Variants in CLSTN2 observed in about 807,000 individuals in gnomAD.
CLSTN2 encodes the protein calsyntenin-2.
CLSTN2 carries 48 observed loss-of-function variants against 101.2 expected under a neutral mutation model. That is an observed-to-expected ratio of 0.47 (90% CI 0.38 to 0.60). The LOEUF (loss-of-function observed/expected upper bound fraction) is 0.60, where lower values mean the gene tolerates loss of function less well. Among genes scored for constraint, CLSTN2 ranks in the 20% least tolerant of loss-of-function variants. The probability of loss-of-function intolerance (pLI) is 0.00; values close to 1 mark genes in which losing one functional copy is unlikely to be tolerated. For synonymous variants in CLSTN2, 481 were observed against 463.6 expected (o/e 1.04, Z -0.48); for missense variants, 1,160 against 1,238.2 (o/e 0.94, Z 0.95).
chr3:140,448,605 G>A lies in CLSTN2; in HGVS notation c.874G>A (p.Val292Met), dbSNP rs1261844629. Reference protein sequence around the residue: ...SIHLETCDGAVSSLQIVTELQ... With the variant: ...SIHLETCDGAMSSLQIVTELQ... Reference sequence around the variant, plus strand: ...CCACCTGGAGACGTGCGATGGAGCCGTGTCTTCCCTCCAGATCGTCACAGA... The same window carrying A: ...CCACCTGGAGACGTGCGATGGAGCCATGTCTTCCCTCCAGATCGTCACAGA... Residue 292 changes from valine (V) to methionine (M), a missense_variant, in exon 6 of 17, where the codon GTG becomes ATG. Val to Met is a conservative substitution (Grantham distance 21, BLOSUM62 1). Coordinates refer to ENST00000458420, the MANE Select transcript of CLSTN2 (RefSeq NM_022131.3). 8.7e-6 allele frequency: 14 copies of A among 1,614,102 alleles called. No individual in the cohort carries two copies. The highest frequency in any genetic ancestry group is 1.2e-5 in the Non-Finnish European group (14 of 1,179,978).
intron 11 of CLSTN2, among the ~76,000 whole-genome samples, chr3:140,558,013 G>A (rs1299004320): frequency 2.6e-5 from 4 of 152,234 alleles, no homozygotes; most frequent in Admixed American, 6.5e-5. Context: ...CAGGAGTCAA[G>A]TGCCTTGTCC....
At chr3:140,386,673 T>C (rs2088055097) in intron 2 of CLSTN2, among the ~76,000 whole-genome samples, 1 of 151,940 alleles carries the variant, frequency 6.6e-6, no homozygotes, top group African/African-American at 2.4e-5. Flanking sequence ...CCATGCTCTG[T>C]CTCCCCTCTG....
chr3:140,515,793 A>G (rs933636766), intron 8 of CLSTN2, among the ~76,000 whole-genome samples: 2 of 152,060 alleles, frequency 1.3e-5, no homozygotes, highest in Non-Finnish European at 2.9e-5. Context: ...CATATGGTCT[A>G]TCTTGGAGAA....
At chr3:139,978,164 C>T (rs774358838) in intron 1 of CLSTN2, among the ~76,000 whole-genome samples, 1 of 152,214 alleles carries the variant, frequency 6.6e-6, no homozygotes, top group Admixed American at 6.5e-5. Flanking sequence ...GAGCTCCTCT[C>T]TGCAATAGTT....
chr3:139,965,802 G>A (rs915418795), intron 1 of CLSTN2, among the ~76,000 whole-genome samples: 1 of 152,112 alleles, frequency 6.6e-6, no homozygotes, highest in African/African-American at 2.4e-5. Context: ...GCATCCTCCT[G>A]AAGCCCCAGG....
At chr3:140,542,398 T>C (rs1935499521) in intron 9 of CLSTN2, among the ~76,000 whole-genome samples, 1 of 152,128 alleles carries the variant, frequency 6.6e-6, no homozygotes, top group Non-Finnish European at 1.5e-5. Flanking sequence ...CAAAATCATG[T>C]TTGCAAACAT....
At chr3:140,262,057 CT>C (rs2086658586) in intron 2 of CLSTN2, among the ~76,000 whole-genome samples, 1 of 151,542 alleles carries the variant, frequency 6.6e-6, no homozygotes, top group African/African-American at 2.4e-5. Context: ...GCTGTGTGAC[CT>C]TAGTTTAGTT....
chr3:140,511,160 G>C (rs575062166), intron 8 of CLSTN2, among the ~76,000 whole-genome samples: 2 of 152,190 alleles, frequency 1.3e-5, no homozygotes, highest in East Asian at 3.9e-4. Flanking sequence ...ATAATTAATG[G>C]CTTCCAACTC....
intron 2 of CLSTN2, among the ~76,000 whole-genome samples, chr3:140,289,003 C>T (rs558350226): frequency 7.9e-5 from 12 of 152,254 alleles, no homozygotes; most frequent in South Asian, 6.2e-4. Context: ...TCTTTTGCTG[C>T]GTTGATTATG....
intron 5 of CLSTN2, among the ~76,000 whole-genome samples, chr3:140,446,267 T>C (rs1341999946): frequency 1.3e-5 from 2 of 152,156 alleles, no homozygotes; most frequent in African/African-American, 4.8e-5. Context: ...CTAATCCAGA[T>C]ACAGCTCCTA....
rs573987132 is a variant in CLSTN2, at chr3:140,153,639, CCTT to C, written c.110-22308_110-22306del. On this transcript the variant is annotated intron_variant, in intron 1 of 16. Transcript: ENST00000458420. ...CAAATTGTTACCTCACCTCTGAATT[CCTT>C]CTTTGAAAGCTTCATCCCTTTTGAG... Among the ~76,000 whole-genome samples the C allele has an allele frequency of 4.9e-4, 74 of 152,346 alleles. No homozygotes were observed. In the South Asian group the frequency reaches 0.015, roughly 32 times the overall value.
At chr3:140,432,172 TTCA>T (rs1387942243) in intron 5 of CLSTN2, among the ~76,000 whole-genome samples, 12 of 69,836 alleles carry the variant, frequency 1.7e-4, no homozygotes, top group African/African-American at 5.7e-4. Context: ...GAACTCAGAT[TTCA>T]GTCTCAGATT....
At chr3:140,493,243 T>G (rs368688055) in intron 8 of CLSTN2, among the ~76,000 whole-genome samples, 17 of 152,322 alleles carry the variant, frequency 1.1e-4, no homozygotes, top group African/African-American at 4.1e-4. Flanking sequence ...AAAATGTGAT[T>G]TGCCATTTAG....
intron 5 of CLSTN2, among the ~76,000 whole-genome samples, chr3:140,425,160 G>T (rs1383800844): frequency 6.6e-6 from 1 of 152,188 alleles, no homozygotes; most frequent in East Asian, 1.9e-4. Flanking sequence ...TTACACGCAA[G>T]AGCTCCCACC....
At chr3:140,188,272 A>G (rs1046875068) in intron 2 of CLSTN2, among the ~76,000 whole-genome samples, 4 of 152,168 alleles carry the variant, frequency 2.6e-5, no homozygotes, top group South Asian at 2.1e-4. Flanking sequence ...AATGCAATCT[A>G]TTTCAATGTC....
intron 5 of CLSTN2, among the ~76,000 whole-genome samples, chr3:140,432,480 C>T (rs1458577777): frequency 3.3e-5 from 5 of 152,150 alleles, no homozygotes; most frequent in South Asian, 2.1e-4. Context: ...GCAGGTGCTC[C>T]GGAGTTTGCA....
chr3:140,510,274 G>A (rs1202840559), intron 8 of CLSTN2, among the ~76,000 whole-genome samples: 1 of 152,206 alleles, frequency 6.6e-6, no homozygotes, highest in African/African-American at 2.4e-5. Context: ...GACACTAACA[G>A]ATCTGCCAAG....
chr3:140,193,261 G>GT (rs367933711), intron 2 of CLSTN2, among the ~76,000 whole-genome samples: 6,060 of 87,362 alleles, frequency 0.069, 206 homozygotes, highest in African/African-American at 0.15. Context: ...CTTTTTTATA[G>GT]TTTTTTTTTT....
intron 2 of CLSTN2, among the ~76,000 whole-genome samples, chr3:140,237,211 T>G (rs570029262): frequency 6.6e-6 from 1 of 152,300 alleles, no homozygotes; most frequent in Admixed American, 6.5e-5. Flanking sequence ...TTAAGCATTT[T>G]TAAGTGGGAA....
Sources: gnomAD v4.1 joint callset for allele counts (sites outside exome capture counted in the v4.1 genomes callset) on GRCh38, gnomAD v4.1.1 for gene constraint, MANE v1.5 for transcripts, NCBI Gene and HGNC (gene_info 2026-07-23, HGNC 2026-07-21) for gene names.